CDH18: variants seen among roughly 807,000 people sequenced by gnomAD.
The protein encoded by CDH18 is cadherin-18.
A neutral mutation model predicts 67.9 loss-of-function variants in CDH18; 31 were observed. The ratio of observed to expected loss-of-function variants is 0.46; its 90% CI spans 0.34 to 0.62. CDH18 has a LOEUF of 0.62. Among genes scored for constraint, CDH18 ranks in the 20% least tolerant of loss-of-function variants. The pLI is 0.01. For missense variants in CDH18, 890 were observed against 975.5 expected (o/e 0.91, Z 1.17); for synonymous variants, 362 against 347.2 (o/e 1.04, Z -0.48).
chr5:20,521,373 A>G (rs1435193299), intron 1 of CDH18, among the ~76,000 whole-genome samples: 6 of 152,164 alleles, frequency 3.9e-5, no homozygotes, highest in Non-Finnish European at 8.8e-5. Context: ...GTGTTTCAGA[A>G]GAAGAATGAT....
intron 3 of CDH18, among the ~76,000 whole-genome samples, chr5:19,759,821 C>T (rs191732894): frequency 1.8e-4 from 28 of 152,216 alleles, no homozygotes; most frequent in Middle Eastern, 3.4e-3. Context: ...TTAGGGGTAC[C>T]GTTCTTCAAG....
At chr5:19,655,763 T>C (rs567051515) in intron 5 of CDH18, among the ~76,000 whole-genome samples, 16 of 152,224 alleles carry the variant, frequency 1.1e-4, no homozygotes, top group African/African-American at 2.9e-4. Context: ...AGCTACACTC[T>C]GTGATTGAGA....
At chr5:19,780,361 C>G (rs1314554818) in intron 3 of CDH18, among the ~76,000 whole-genome samples, 1 of 152,074 alleles carries the variant, frequency 6.6e-6, no homozygotes. Flanking sequence ...TTCCTGACAC[C>G]ATTTTTCCAT....
intron 5 of CDH18, among the ~76,000 whole-genome samples, chr5:19,697,665 T>C (rs1762708431): frequency 6.6e-6 from 1 of 152,098 alleles, no homozygotes; most frequent in Non-Finnish European, 1.5e-5. Flanking sequence ...GAAGAAAATA[T>C]GAGAAGGAAA....
At chr5:19,974,520 CAAAAAAAAAAAA>C (rs70954626) in intron 2 of CDH18, among the ~76,000 whole-genome samples, 10 of 78,278 alleles carry the variant, frequency 1.3e-4, no homozygotes, top group African/African-American at 5.0e-4. Flanking sequence ...TCCTGTCTCC[CAAAAAAAAAAAA>C]AAAAAAAAAA....
At chr5:19,879,288 G>C (rs1787363959) in intron 2 of CDH18, among the ~76,000 whole-genome samples, 1 of 151,878 alleles carries the variant, frequency 6.6e-6, no homozygotes, top group Admixed American at 6.6e-5. Context: ...AACAAGACTT[G>C]TAAGCCTTTA....
intron 2 of CDH18, among the ~76,000 whole-genome samples, chr5:19,936,099 T>G (rs1794231299): frequency 6.6e-6 from 1 of 151,300 alleles, no homozygotes; most frequent in African/African-American, 2.4e-5. Context: ...GCTTTAAGTT[T>G]TAATAATTCT....
chr5:19,978,783 C>T lies in CDH18; in HGVS notation c.-257+2277G>A, dbSNP rs1442851140. On this transcript the variant is annotated intron_variant, in intron 2 of 12. Coordinates refer to ENST00000382275, the MANE Select transcript of CDH18 (RefSeq NM_004934.5). Reference sequence around the variant, plus strand: ...GATCACTGTGTCCTCCTCTCTTCCTCCCTCTTTCACTTTTAAAGAGCCTTG... The same window carrying T: ...GATCACTGTGTCCTCCTCTCTTCCTTCCTCTTTCACTTTTAAAGAGCCTTG... 2.6e-5 allele frequency among the ~76,000 whole-genome samples: 4 copies of T among 152,134 alleles called. No individual in the cohort carries two copies. The South Asian group carries it at 8.3e-4, about 31-fold the overall frequency.
intron 9 of CDH18, among the ~76,000 whole-genome samples, chr5:19,539,521 T>C (rs959162456): frequency 3.9e-5 from 6 of 152,190 alleles, no homozygotes; most frequent in Admixed American, 6.5e-5. Flanking sequence ...ATCTAAAGCA[T>C]GGCTTCTGAT....
chr5:19,786,390 G>A (rs1369162828), intron 3 of CDH18, among the ~76,000 whole-genome samples: 3 of 151,986 alleles, frequency 2.0e-5, no homozygotes, highest in Non-Finnish European at 4.4e-5. Context: ...TTTGTATTTG[G>A]TTTTAGAGAA....
chr5:20,014,009 A>C (rs1237626884), intron 2 of CDH18, among the ~76,000 whole-genome samples: 1 of 152,138 alleles, frequency 6.6e-6, no homozygotes, highest in Non-Finnish European at 1.5e-5. Flanking sequence ...TAGAGAATTT[A>C]TACCACTGTG....
At chr5:20,501,560 TATATATATAATA>T (rs1165114786) in intron 1 of CDH18, among the ~76,000 whole-genome samples, 2 of 23,812 alleles carry the variant, frequency 8.4e-5, no homozygotes, top group Non-Finnish European at 1.6e-4. Context: ...ATATATAATA[TATATATATAATA>T]TATATATATT....
chr5:20,095,539 AAGG>A (rs1241542495), intron 2 of CDH18, among the ~76,000 whole-genome samples: 1 of 144,594 alleles, frequency 6.9e-6, no homozygotes, highest in African/African-American at 2.5e-5. Flanking sequence ...GGAAGGAAAG[AAGG>A]AAGGGAAGGA....
chr5:19,612,355 A>G (rs1749116651), intron 6 of CDH18, 79 bp downstream of exon 6: 9 of 1,400,470 alleles, frequency 6.4e-6, no homozygotes, highest in South Asian at 2.5e-5. Flanking sequence ...AAACAGTAAC[A>G]TAACACTGTT....
chr5:20,358,330 T>C (rs1741800924), intron 1 of CDH18, among the ~76,000 whole-genome samples: 1 of 152,054 alleles, frequency 6.6e-6, no homozygotes, highest in African/African-American at 2.4e-5. Flanking sequence ...AAAACAAAAA[T>C]AATAAAATTG....
chr5:19,945,646 T>G (rs537452637), intron 2 of CDH18, among the ~76,000 whole-genome samples: 1 of 152,024 alleles, frequency 6.6e-6, no homozygotes, highest in Non-Finnish European at 1.5e-5. Context: ...GAAGAAGAGA[T>G]AGAAAATCTC....
At chr5:20,135,126 G>A (rs1749593937) in intron 2 of CDH18, among the ~76,000 whole-genome samples, 1 of 152,112 alleles carries the variant, frequency 6.6e-6, no homozygotes, top group Admixed American at 6.6e-5. Flanking sequence ...GCTGACCCTA[G>A]AGACTATGCC....
chr5:20,119,580 T>C (rs1186719818), intron 2 of CDH18, among the ~76,000 whole-genome samples: 1 of 150,504 alleles, frequency 6.6e-6, no homozygotes, highest in Admixed American at 6.8e-5. Flanking sequence ...CAGAAGGACA[T>C]GTATTCCCTT....
chr5:20,483,078 T>C (rs559611440), intron 1 of CDH18, among the ~76,000 whole-genome samples: 1 of 152,200 alleles, frequency 6.6e-6, no homozygotes, highest in African/African-American at 2.4e-5. Context: ...AGTTGAAGGA[T>C]GTAACATCGG....
Sources: allele counts gnomAD v4.1 joint callset (sites outside exome capture counted in the v4.1 genomes callset), GRCh38; gene constraint gnomAD v4.1.1; transcripts MANE v1.5; gene names NCBI Gene and HGNC (gene_info 2026-07-23, HGNC 2026-07-21).